TSC2: variants seen among roughly 807,000 people sequenced by gnomAD.
TSC2 encodes TSC complex subunit 2.
TSC2 carries 29 observed loss-of-function variants against 202.2 expected under a neutral mutation model. The ratio of observed to expected loss-of-function variants is 0.14; its 90% CI spans 0.11 to 0.20. The LOEUF is 0.20. TSC2 is among the 10% of genes least tolerant of loss of function. The pLI is 1.00. For missense variants in TSC2, 2,429 were observed against 2,420.0 expected, an observed-to-expected ratio of 1.00 and a Z score of -0.08; for synonymous variants, 1,349 against 1,044.0, an observed-to-expected ratio of 1.29 and a Z score of -5.63.
At chr16:2,055,140 C>A (rs1252258089) in intron 5 of TSC2, 1 of 558,504 alleles carries the variant, frequency 1.8e-6, no homozygotes, top group Admixed American at 2.8e-5. Context: ...GTACGGCATA[C>A]ACACTTCTGC....
chr16:2,086,590 C>T (rs548038404), intron 37 of TSC2, 142 bp from the exon 38 acceptor site: 32 of 1,431,930 alleles, frequency 2.2e-5, no homozygotes, highest in African/African-American at 7.1e-5. Flanking sequence ...TGGGGAGAGC[C>T]GAGGACCACT....
intron 2 of TSC2, among the ~76,000 whole-genome samples, chr16:2,049,692 G>T (rs905679267): frequency 6.6e-6 from 1 of 151,548 alleles, no homozygotes; most frequent in Non-Finnish European, 1.5e-5. Flanking sequence ...CGGTCATAGT[G>T]GTGGGCGCCT....
chr16:2,053,598 G>A (rs1370859120), intron 4 of TSC2, 146 bp downstream of exon 4: 2 of 822,408 alleles, frequency 2.4e-6, no homozygotes, highest in African/African-American at 1.7e-5. Context: ...TGGATGGCCT[G>A]TGGGGTCTCC....
In TSC2 at chr16:2,089,407, G is replaced by A. The variant is rs2091342358; in HGVS notation, c.*797G>A. 1 of 450,452 alleles carries A rather than the reference G, an allele frequency of 2.2e-6. No homozygotes were observed. Among genetic ancestry groups the A allele is most frequent in the Non-Finnish European group, 4.0e-6 (1 of 247,470 alleles). 27.9% of individuals were successfully genotyped at this position (450,452 alleles called of 1,614,324 possible). A position where few individuals can be genotyped will look rare whatever the true frequency, so the allele number is the denominator to read the frequency against. On this transcript the variant is annotated 3_prime_UTR_variant, in exon 42 of 42. Coordinates refer to ENST00000219476, the MANE Select transcript of TSC2 (RefSeq NM_000548.5). ...GAAGCCAGCAGCCTTAGCAGTGGGG[G>A]ACATCTGCCCAGGGGGTGGGGCCGG...
At chr16:2,078,242 TC>T (rs34043636) in intron 26 of TSC2, 1 of 176,638 alleles carries the variant, frequency 5.7e-6, no homozygotes, top group Non-Finnish European at 1.2e-5. Context: ...GTCTTAGTTC[TC>T]CCCGCAGTGT....
chr16:2,069,367 A>T (rs373531713), intron 16 of TSC2, among the ~76,000 whole-genome samples: 2 of 151,988 alleles, frequency 1.3e-5, no homozygotes, highest in African/African-American at 2.4e-5. Flanking sequence ...CCCCAGCTGG[A>T]GTGCAGTGGC....
At position 2,080,638 on chromosome 16, in the gene TSC2, C is replaced by T. The variant is rs865941357; in HGVS notation, c.3610+261C>T. On this transcript the variant is annotated intron_variant, in intron 30 of 41. Coordinates refer to ENST00000219476, the MANE Select transcript of TSC2 (RefSeq NM_000548.5). ...AGCTGGGACCACAGGCGCCCGCCAC[C>T]ACGCCTGGCCAATTTTTTTGTATTT... The T allele has an allele frequency of 1.6e-5, 8 of 486,966 alleles. No homozygotes were observed. The Admixed American group carries it at 1.7e-4, about 10-fold the overall frequency. 30.2% of individuals were successfully genotyped at this position (486,966 alleles called of 1,614,324 possible). A position where few individuals can be genotyped will look rare whatever the true frequency, so the allele number is the denominator to read the frequency against.
At chr16:2,050,748 C>T (rs1312648650) in intron 3 of TSC2, among the ~76,000 whole-genome samples, 1 of 151,912 alleles carries the variant, frequency 6.6e-6, no homozygotes, top group Admixed American at 6.6e-5. Flanking sequence ...CGCGCCACCA[C>T]ACCCGGCTTT....
intron 10 of TSC2, among the ~76,000 whole-genome samples, chr16:2,059,523 T>TG (rs1442242486): frequency 2.1e-5 from 3 of 145,416 alleles, no homozygotes; most frequent in Non-Finnish European, 4.5e-5. Context: ...TTTTTTTTTT[T>TG]TTTTTTTTTT....
intron 31 of TSC2, 36 bp from the exon 32 acceptor site, chr16:2,082,400 C>T (rs2090251734): frequency 6.2e-7 from 1 of 1,609,870 alleles, no homozygotes; most frequent in Non-Finnish European, 8.5e-7. Flanking sequence ...AGCCCCTCCT[C>T]CTGCTGACGT....
chr16:2,061,543 G>A (rs1254600635), intron 11 of TSC2: 1 of 429,950 alleles, frequency 2.3e-6, no homozygotes, highest in Non-Finnish European at 4.4e-6. Flanking sequence ...TCTTGGCCCA[G>A]CTGCATGGGC....
Position 2,081,616 on chromosome 16 carries a change from G to T in TSC2, c.3632G>T (p.Ser1211Ile). 5 of 1,612,904 alleles carry T rather than the reference G, an allele frequency of 3.1e-6. No individual in the cohort carries two copies. Among genetic ancestry groups the T allele is most frequent in the Non-Finnish European group, 4.2e-6 (5 of 1,180,010 alleles). ...GCAGGGAACACCAGCTGGCTGATGA[G>T]CCTGGAGAACCCGCTCAGCCCTTTC... ...RPTGNTSWLM[S>I]LENPLSPFSS... The change falls in exon 31 of 42, where the codon AGC becomes ATC. Residue 1211 changes from serine to isoleucine, a missense_variant. Coordinates refer to ENST00000219476, the MANE Select transcript of TSC2 (RefSeq NM_000548.5).
Position 2,050,463 on chromosome 16 carries a change from G to A in TSC2, c.202G>A (p.Ala68Thr), listed in dbSNP as rs767626323. The A allele has an allele frequency of 5.0e-6, 8 of 1,613,604 alleles. No individual in the cohort carries two copies. The highest frequency in any genetic ancestry group is 1.1e-5 in the South Asian group (1 of 91,072). Residue 68 changes from alanine to threonine, a missense_variant, in exon 3 of 42, where the codon GCA (alanine) becomes ACA (threonine). Coordinates refer to ENST00000219476, the MANE Select transcript of TSC2 (RefSeq NM_000548.5). ...GATGATAGGGCAGATTTGTGAAGTC[G>A]CAAAAACCAAGAAATTTGAAGAGGT... ...IRMIGQICEV[A>T]KTKKFEEHAV...
chr16:2,055,909 A>T, intron 6 of TSC2: 2 of 518,294 alleles, frequency 3.9e-6, no homozygotes, highest in Non-Finnish European at 6.9e-6. Context: ...AAAAAAAAAA[A>T]GAGAAGTACG....
chr16:2,061,746 T>C, intron 11 of TSC2, 125 bp from the exon 12 acceptor site: 3 of 1,516,584 alleles, frequency 2.0e-6, no homozygotes, highest in South Asian at 2.3e-5. Flanking sequence ...TCTGTCCCCA[T>C]GCGGCCCAGA....
chr16:2,061,034 C>A lies in TSC2; in HGVS notation c.1119+221C>A, dbSNP rs1596300143. ...CGTTTAGGCCCCAGACAGGAATATGCAGTAGGTGAGCCGGGGCTGGGCCAG... is the reference window on the plus strand; with the variant it reads ...CGTTTAGGCCCCAGACAGGAATATGAAGTAGGTGAGCCGGGGCTGGGCCAG... On this transcript the variant is annotated intron_variant, in intron 11 of 41. Coordinates refer to ENST00000219476, the MANE Select transcript of TSC2 (RefSeq NM_000548.5). The A allele has an allele frequency of 4.9e-6, 3 of 614,912 alleles. No homozygotes were observed. In the East Asian group the frequency reaches 9.1e-5, roughly 19 times the overall value. 38.1% of individuals were successfully genotyped at this position (614,912 alleles called of 1,614,324 possible).
chr16:2,085,741 G>A (rs749459704), intron 36 of TSC2, among the ~76,000 whole-genome samples: 1 of 152,220 alleles, frequency 6.6e-6, no homozygotes, highest in African/African-American at 2.4e-5. Context: ...GGAGCCGACA[G>A]GATGGGCAGC....
intron 30 of TSC2, 195 bp downstream of exon 30, chr16:2,080,572 C>T (rs1047783943): frequency 1.5e-6 from 1 of 660,528 alleles, no homozygotes; most frequent in East Asian, 2.9e-5. Flanking sequence ...CAAGCTCCAC[C>T]TCCCGGGTTC....
In TSC2 at chr16:2,062,564, T is replaced by G. The variant is rs879255344; in HGVS notation, c.1325T>G (p.Ile442Ser). The G allele has an allele frequency of 6.2e-7, 1 of 1,612,094 alleles. No individual in the cohort carries two copies. Among genetic ancestry groups the G allele is most frequent in the Non-Finnish European group, 8.5e-7 (1 of 1,179,078 alleles). ...QSIHPAKDGW[I>S]QNLQALMERF... ...ATCCACCCGGCCAAGGACGGCTGGA[T>G]TCAGAACCTGCAGGCGCTGATGGAG... Residue 442 changes from isoleucine to serine, a missense_variant, in exon 13 of 42, where the codon ATT becomes AGT. Coordinates refer to ENST00000219476, the MANE Select transcript of TSC2 (RefSeq NM_000548.5).
Sources: allele counts gnomAD v4.1 joint callset (sites outside exome capture counted in the v4.1 genomes callset), GRCh38; gene constraint gnomAD v4.1.1; transcripts MANE v1.5; gene names NCBI Gene and HGNC (gene_info 2026-07-23, HGNC 2026-07-21).